The following ZHX3 variants were observed in gnomAD, a reference collection of about 807,000 sequenced individuals.
ZHX3 encodes zinc fingers and homeoboxes protein 3.
Under a neutral mutation model 64.5 loss-of-function variants are expected in ZHX3, and 20 were observed. The observed-to-expected ratio is 0.31, with a 90% CI of 0.22 to 0.45. The LOEUF is 0.45. Ranked by LOEUF, ZHX3 falls within the 20% of genes least tolerant of loss-of-function variation. ZHX3 has a pLI of 1.00. For synonymous variants in ZHX3, 423 were observed against 461.6 expected (o/e 0.92, Z 1.07); for missense variants, 1,041 against 1,195.8 (o/e 0.87, Z 1.91).
chr20:41,300,686 G>T lies in ZHX3; in HGVS notation c.-245+16823C>A, dbSNP rs12480752. On this transcript the variant is annotated intron_variant, in intron 1 of 3. Transcript: ENST00000683867. ...TTGGAGGAGGGGCACCTGAGACGAAGCTGGAAAGGCAAGTAGTGTTGGCCT... is the reference window on the plus strand; with the variant it reads ...TTGGAGGAGGGGCACCTGAGACGAATCTGGAAAGGCAAGTAGTGTTGGCCT... Among the ~76,000 whole-genome samples the T allele has an allele frequency of 0.044, 6,624 of 152,250 alleles. 750 individuals carry two copies. The East Asian group carries it at 0.48, about 11-fold the overall frequency.
At chr20:41,223,784 C>A (rs2040098325) in intron 2 of ZHX3, among the ~76,000 whole-genome samples, 1 of 151,940 alleles carries the variant, frequency 6.6e-6, no homozygotes, top group South Asian at 2.1e-4. Flanking sequence ...GCATATTTCC[C>A]AAAATACATG....
rs2036450046 is a variant in ZHX3 at position 41,185,559 on chromosome 20, G to GCC, written c.2861-360_2861-359dup. 2.3e-6 allele frequency: 1 copy of GCC among 426,474 alleles called. No individual in the cohort carries two copies. Among genetic ancestry groups the GCC allele is most frequent in the East Asian group, 3.9e-5 (1 of 25,812 alleles). 26.4% of individuals were successfully genotyped at this position (426,474 alleles called of 1,614,324 possible). ...GTCCTGTCCTAAAATGCTTCATCCT[G>GCC]CCCTCTCCTTCCAGGCTCTCCAGAA... On this transcript the variant is annotated intron_variant, in intron 3 of 3. Transcript: ENST00000683867. This position sits in a 1 kb window ranked among gnomAD's most constrained non-coding sequence, Gnocchi z 5.0.
intron 2 of ZHX3, among the ~76,000 whole-genome samples, chr20:41,217,761 T>C (rs529469739): frequency 2.0e-5 from 3 of 152,304 alleles, no homozygotes; most frequent in South Asian, 4.1e-4. Flanking sequence ...CCTTCCCTCA[T>C]TGTAGTATTG....
At chr20:41,279,169 A>G (rs2043542285) in intron 1 of ZHX3, among the ~76,000 whole-genome samples, 1 of 152,236 alleles carries the variant, frequency 6.6e-6, no homozygotes, top group African/African-American at 2.4e-5. Context: ...TCCTGGGTCA[A>G]CGAGTATGAA....
At chr20:41,231,216 TA>T (rs1417574710) in intron 2 of ZHX3, among the ~76,000 whole-genome samples, 2 of 152,242 alleles carry the variant, frequency 1.3e-5, no homozygotes, top group Non-Finnish European at 2.9e-5. Flanking sequence ...TTTGATTTTT[TA>T]AAAATGTGGC....
At chr20:41,258,851 C>T (rs2042407372) in intron 2 of ZHX3, among the ~76,000 whole-genome samples, 1 of 152,156 alleles carries the variant, frequency 6.6e-6, no homozygotes, top group East Asian at 1.9e-4. Flanking sequence ...TCCTGAAGGA[C>T]TACTGGCTCC....
At position 41,200,688 on chromosome 20, in the gene ZHX3, CTG is replaced by C. The variant is rs533588237; in HGVS notation, c.2860+1367_2860+1368del. On this transcript the variant is annotated intron_variant, in intron 3 of 3. Coordinates refer to ENST00000683867, the MANE Select transcript of ZHX3 (RefSeq NM_001384317.1). The surrounding 1 kb of genome is among the most constrained non-coding windows in gnomAD (Gnocchi z 4.2). ...GGGCTCCACCAGGTGTTTGCTCTCA[CTG>C]TGGGCTTTGTGGAACTGGATTTTGC... is the stretch of plus-strand genomic sequence containing the variant. 7.2e-5 allele frequency among the ~76,000 whole-genome samples: 11 copies of C among 152,196 alleles called. No homozygotes were observed. The highest frequency in any genetic ancestry group is 1.5e-4 in the Non-Finnish European group (10 of 68,048).
At chr20:41,300,857 TCAGAAAGACAGACGGGC>T (rs2044774663) in intron 1 of ZHX3, among the ~76,000 whole-genome samples, 1 of 151,726 alleles carries the variant, frequency 6.6e-6, no homozygotes, top group Admixed American at 6.6e-5. Context: ...GAATGATGGG[TCAGAAAGACAGACGGGC>T]CAGAAAGACA....
chr20:41,313,876 A>G (rs142391093), intron 1 of ZHX3, among the ~76,000 whole-genome samples: 28,566 of 152,168 alleles, frequency 0.19, 3,105 homozygotes, highest in Non-Finnish European at 0.24. Flanking sequence ...GATTACAGGC[A>G]TGAGCCACCA....
intron 2 of ZHX3, among the ~76,000 whole-genome samples, chr20:41,234,310 CTAAG>C (rs2040820236): frequency 6.6e-6 from 1 of 152,176 alleles, no homozygotes; most frequent in South Asian, 2.1e-4. Flanking sequence ...GATGACTAAG[CTAAG>C]TAATTAGTTC....
Position 41,203,171 on chromosome 20 carries a change from G to C in ZHX3, c.1746C>G (p.Val582=), listed in dbSNP as rs2038393760. 6.2e-7 allele frequency: 1 copy of C among 1,613,996 alleles called. No individual in the cohort carries two copies. Among genetic ancestry groups the C allele is most frequent in the South Asian group, 1.1e-5 (1 of 91,076 alleles). The change falls in exon 3 of 4, where the codon GTC becomes GTG. Residue 582 remains valine (V), a synonymous_variant. Transcript: ENST00000683867. The surrounding 1 kb of genome is among the most constrained non-coding windows in gnomAD (Gnocchi z 7.1). ...TTGTCGGAATGCAGGTTACCTCAGG[G>C]ACCTTGGACGATGGGGAGAAGGACA... The part of the protein sequence containing the change: ...PEVSFSPSSK[V]PEVTCIPTTA...
chr20:41,281,563 A>G (rs188459855), intron 1 of ZHX3, among the ~76,000 whole-genome samples: 9 of 152,350 alleles, frequency 5.9e-5, no homozygotes, highest in Non-Finnish European at 1.2e-4. Flanking sequence ...TGGGAGTAGG[A>G]AAGAGTAGCA....
At chr20:41,196,400 TATTA>T (rs1185061866) in intron 3 of ZHX3, among the ~76,000 whole-genome samples, 1 of 22,530 alleles carries the variant, frequency 4.4e-5, no homozygotes, top group Non-Finnish European at 6.6e-5. Context: ...TATTTATATA[TATTA>T]TATATTATAT....
At position 41,232,008 on chromosome 20, in the gene ZHX3, G is replaced by A. The variant is rs890202509; in HGVS notation, c.-150-26942C>T. 2.0e-5 allele frequency among the ~76,000 whole-genome samples: 3 copies of A among 152,142 alleles called. No homozygotes were observed. The highest frequency in any genetic ancestry group is 2.1e-4 in the South Asian group (1 of 4,820). On this transcript the variant is annotated intron_variant, in intron 2 of 3. Coordinates refer to ENST00000683867, the MANE Select transcript of ZHX3 (RefSeq NM_001384317.1). This position sits in a 1 kb window ranked among gnomAD's most constrained non-coding sequence, Gnocchi z 5.0. ...TAGATGGTTAAAACAACCACATTCC[G>A]TACCATTAGACGCTGACAGCCCAGA... is the stretch of plus-strand genomic sequence containing the variant.
rs370700663 is a variant in ZHX3, at chr20:41,204,075, T to C, written c.842A>G (p.His281Arg). The change falls in exon 3 of 4, where the codon CAT (histidine) becomes CGT (arginine). Residue 281 changes from histidine to arginine, a missense_variant. His to Arg is a conservative substitution (Grantham distance 29, BLOSUM62 0). Transcript: ENST00000683867. This position sits in a 1 kb window ranked among gnomAD's most constrained non-coding sequence, Gnocchi z 6.6. ...FLSLQQQPPVHAQHHVHQPLP... is the reference protein window; with the variant it reads ...FLSLQQQPPVRAQHHVHQPLP... Reference sequence around the variant, plus strand: ...TGGCTGGTGGACATGGTGTTGGGCATGCACTGGGGGCTGCTGCTGGAGGGA... The same window carrying C: ...TGGCTGGTGGACATGGTGTTGGGCACGCACTGGGGGCTGCTGCTGGAGGGA... 3 of 1,611,324 alleles carry C rather than the reference T, an allele frequency of 1.9e-6. No homozygotes were observed. The highest frequency in any genetic ancestry group is 1.7e-4 in the Middle Eastern group (1 of 6,046).
chr20:41,253,390 T>C (rs554298239), intron 2 of ZHX3, among the ~76,000 whole-genome samples: 1 of 152,316 alleles, frequency 6.6e-6, no homozygotes, highest in South Asian at 2.1e-4. Context: ...CTTATAAAAG[T>C]TCCAGGTGGT....
intron 2 of ZHX3, among the ~76,000 whole-genome samples, chr20:41,229,935 T>C (rs1401006454): frequency 6.6e-6 from 1 of 152,178 alleles, no homozygotes; most frequent in Non-Finnish European, 1.5e-5. Flanking sequence ...TTTATATATA[T>C]GGTGTAAGGT....
At chr20:41,220,801 C>A (rs1184866064) in intron 2 of ZHX3, among the ~76,000 whole-genome samples, 3 of 152,028 alleles carry the variant, frequency 2.0e-5, no homozygotes, top group Admixed American at 6.6e-5. Context: ...TCAAGTGATC[C>A]TCCCGCTTCA....
intron 3 of ZHX3, among the ~76,000 whole-genome samples, chr20:41,192,666 A>G (rs774101583): frequency 1.7e-4 from 26 of 152,246 alleles, no homozygotes; most frequent in African/African-American, 5.1e-4. Flanking sequence ...TGGGGAAAAC[A>G]GTCTGCAGTT....
Sources: gnomAD v4.1 joint callset for allele counts (sites outside exome capture counted in the v4.1 genomes callset) on GRCh38, gnomAD v4.1.1 for gene constraint, Gnocchi (gnomAD v3.1) non-coding constraint, MANE v1.5 for transcripts, NCBI Gene and HGNC (gene_info 2026-07-23, HGNC 2026-07-21) for gene names.